Variants in CXXC4 observed in about 807,000 individuals in gnomAD.
CXXC4 encodes the protein CXXC-type zinc finger protein 4.
In CXXC4, 5 loss-of-function variants were observed where a neutral mutation model predicts 20.5. The observed-to-expected ratio is 0.24, with a 90% CI of 0.13 to 0.51. CXXC4 has a LOEUF of 0.51. Among genes scored for constraint, CXXC4 ranks in the 20% least tolerant of loss-of-function variants. CXXC4 has a pLI of 0.97. For missense variants in CXXC4, 419 were observed against 496.4 expected, an observed-to-expected ratio of 0.84 and a Z score of 1.48; for synonymous variants, 250 against 216.4, an observed-to-expected ratio of 1.16 and a Z score of -1.36.
At chr4:104,487,601 A>G (rs1471921348) in intron 2 of CXXC4, among the ~76,000 whole-genome samples, 1 of 152,222 alleles carries the variant, frequency 6.6e-6, no homozygotes, top group Non-Finnish European at 1.5e-5. Flanking sequence ...CAAGGAACTT[A>G]ATATTTTTCA....
At chr4:104,472,628 C>T (rs1403467109) in intron 2 of CXXC4, among the ~76,000 whole-genome samples, 9 of 151,796 alleles carry the variant, frequency 5.9e-5, no homozygotes, top group Admixed American at 1.3e-4. Context: ...GCCTGAAACA[C>T]GTATAGGAAG....
intron 2 of CXXC4, among the ~76,000 whole-genome samples, chr4:104,487,517 T>A (rs1736729645): frequency 6.6e-6 from 1 of 152,204 alleles, no homozygotes; most frequent in South Asian, 2.1e-4. Flanking sequence ...TGAAGGATTA[T>A]CTTTGCAAGA....
At chr4:104,485,438 A>G (rs1736661786) in intron 2 of CXXC4, among the ~76,000 whole-genome samples, 1 of 152,100 alleles carries the variant, frequency 6.6e-6, no homozygotes, top group Admixed American at 6.5e-5. Flanking sequence ...ATTAAAGCAT[A>G]TCCACTCATA....
At position 104,470,077 on chromosome 4, in the gene CXXC4, T is replaced by C. The variant is rs1027781883; in HGVS notation, c.*2245A>G. On this transcript the variant is annotated 3_prime_UTR_variant, in exon 3 of 3. Transcript: ENST00000394767. ...CATTTTCCAAAGAGCAAGGCAAGCT[T>C]ATCATTCAAGTGTGAAAGTAAGTTT... The C allele has an allele frequency of 1.3e-5, 2 of 151,624 alleles. No individual in the cohort carries two copies. Among genetic ancestry groups the C allele is most frequent in the South Asian group, 4.2e-4 (2 of 4,814 alleles). 9.4% of individuals were successfully genotyped at this position (151,624 alleles called of 1,614,324 possible).
chr4:104,483,302 T>A (rs1029082389), intron 2 of CXXC4, among the ~76,000 whole-genome samples: 1 of 151,978 alleles, frequency 6.6e-6, no homozygotes, highest in Non-Finnish European at 1.5e-5. Context: ...AAAGCATACA[T>A]CCATAATTCC....
In CXXC4 at chr4:104,490,952, T is replaced by C; in HGVS notation, c.851A>G (p.His284Arg). Residue 284 changes from histidine to arginine, a missense_variant, in exon 2 of 3, where the codon CAT becomes CGT. Physicochemically the swap from His to Arg is conservative, Grantham distance 29. This residue lies in a region of CXXC4 where 388 missense variants were observed against 416.0 expected (regional missense o/e 0.93). Transcript: ENST00000394767. ...TGAGGAGGACGAGGAGGAGGAGGAATGATTCTGCGGGCAGTCTGCCAGATT... is the reference window on the plus strand; with the variant it reads ...TGAGGAGGACGAGGAGGAGGAGGAACGATTCTGCGGGCAGTCTGCCAGATT... ...IANLADCPQNHSSSSSSSSGG... is the reference protein window; with the variant it reads ...IANLADCPQNRSSSSSSSSGG... 6.2e-7 allele frequency: 1 copy of C among 1,613,562 alleles called. No homozygotes were observed. The highest frequency in any genetic ancestry group is 1.1e-5 in the South Asian group (1 of 91,050).
intron 2 of CXXC4, among the ~76,000 whole-genome samples, chr4:104,490,126 G>A (rs1020551040): frequency 2.0e-5 from 3 of 152,124 alleles, no homozygotes; most frequent in Non-Finnish European, 4.4e-5. Flanking sequence ...TTCCTACACA[G>A]TTTCAGCTTT....
At chr4:104,472,754 T>C (rs1395167361) in intron 2 of CXXC4, among the ~76,000 whole-genome samples, 1 of 152,000 alleles carries the variant, frequency 6.6e-6, no homozygotes, top group Non-Finnish European at 1.5e-5. Flanking sequence ...TGGATCATCT[T>C]ACCGTCAGGA....
chr4:104,473,346 T>TA (rs1468383415), intron 2 of CXXC4, among the ~76,000 whole-genome samples: 2 of 151,846 alleles, frequency 1.3e-5, no homozygotes, highest in African/African-American at 2.4e-5. Context: ...GTAAACATAC[T>TA]ATAAATGGTT....
rs569672930 is a variant in CXXC4 at position 104,489,651 on chromosome 4, T to C, written c.1059+1093A>G. Among the ~76,000 whole-genome samples the C allele has an allele frequency of 3.9e-5, 6 of 152,328 alleles. No individual in the cohort carries two copies. The South Asian group carries it at 1.0e-3, about 26-fold the overall frequency. On this transcript the variant is annotated intron_variant, in intron 2 of 2. Coordinates refer to ENST00000394767, the MANE Select transcript of CXXC4 (RefSeq NM_025212.4). ...TTTATCGAGACTAACTATAAGTACT[T>C]GTCCAGATTTCTTTGTTTAATATAC...
At chr4:104,474,198 T>C (rs1218213674) in intron 2 of CXXC4, among the ~76,000 whole-genome samples, 1 of 151,936 alleles carries the variant, frequency 6.6e-6, no homozygotes, top group Non-Finnish European at 1.5e-5. Context: ...AGTTCACTAT[T>C]CTCATGGAAA....
In CXXC4 at chr4:104,470,827, A is replaced by G. The variant is rs1736253135; in HGVS notation, c.*1495T>C. 1 of 152,080 alleles carries G rather than the reference A, an allele frequency of 6.6e-6. No individual in the cohort carries two copies. Among genetic ancestry groups the G allele is most frequent in the Non-Finnish European group, 1.5e-5 (1 of 68,000 alleles). 9.4% of individuals were successfully genotyped at this position (152,080 alleles called of 1,614,324 possible). On this transcript the variant is annotated 3_prime_UTR_variant, in exon 3 of 3. Transcript: ENST00000394767. ...AATAGTCTTTATAATTGGGACAAAC[A>G]GAAATAAAATGGAAGGTAAATATTT...
At chr4:104,493,692 T>C (rs1736966439) in intron 1 of CXXC4, among the ~76,000 whole-genome samples, 1 of 152,224 alleles carries the variant, frequency 6.6e-6, no homozygotes, top group South Asian at 2.1e-4. Context: ...GGAAAACTGC[T>C]GCCTTCTCAG....
chr4:104,469,619 A>G lies in CXXC4; in HGVS notation c.*2703T>C, dbSNP rs1236119891. 2.0e-5 allele frequency: 3 copies of G among 152,066 alleles called. No homozygotes were observed. The highest frequency in any genetic ancestry group is 7.2e-5 in the African/African-American group (3 of 41,440). 9.4% of individuals were successfully genotyped at this position (152,066 alleles called of 1,614,324 possible). A position where few individuals can be genotyped will look rare whatever the true frequency, so the allele number is the denominator to read the frequency against. ...GATAAGCTTTAGAAGTTCTCAGTACAGGGACATATGAGGAAGAAAACTAGA... is the reference window on the plus strand; with the variant it reads ...GATAAGCTTTAGAAGTTCTCAGTACGGGGACATATGAGGAAGAAAACTAGA... On this transcript the variant is annotated 3_prime_UTR_variant, in exon 3 of 3. Transcript: ENST00000394767.
intron 2 of CXXC4, among the ~76,000 whole-genome samples, chr4:104,472,684 CA>C (rs1429880160): frequency 6.6e-6 from 1 of 151,886 alleles, no homozygotes; most frequent in African/African-American, 2.4e-5. Context: ...TGAGGAAGAC[CA>C]GTCAGCACAG....
intron 1 of CXXC4, chr4:104,494,359 G>A (rs1219707668): frequency 6.6e-6 from 1 of 152,130 alleles, no homozygotes; most frequent in Non-Finnish European, 1.5e-5. Flanking sequence ...TCAGGAGGAG[G>A]GGCGGGTGCA....
rs70961978 is a variant in CXXC4 at position 104,481,544 on chromosome 4, GA to G, written c.1060-9179del. Among the ~76,000 whole-genome samples, 1,365 of 137,910 alleles carry G rather than the reference GA, an allele frequency of 9.9e-3. 13 individuals carry two copies. Among genetic ancestry groups the G allele is most frequent in the African/African-American group, 0.025 (933 of 38,034 alleles). 90.5% of individuals were successfully genotyped at this position (137,910 alleles called of 152,430 possible). On this transcript the variant is annotated intron_variant, in intron 2 of 2. Coordinates refer to ENST00000394767, the MANE Select transcript of CXXC4 (RefSeq NM_025212.4). ...CAAGACCCTGTCTCAAGGGAAAAAAGAAAAAAAAAAATATGGAACTAAGTAC... is the reference window on the plus strand; with the variant it reads ...CAAGACCCTGTCTCAAGGGAAAAAAGAAAAAAAAAATATGGAACTAAGTAC...
chr4:104,483,353 G>T (rs1736603138), intron 2 of CXXC4, among the ~76,000 whole-genome samples: 2 of 151,922 alleles, frequency 1.3e-5, no homozygotes, highest in Middle Eastern at 3.4e-3. Flanking sequence ...TTGGATTCTG[G>T]CTTAAATATT....
At position 104,491,173 on chromosome 4, in the gene CXXC4, C is replaced by A. The variant is rs758633689; in HGVS notation, c.630G>T (p.Ala210=). The stretch of plus-strand genomic sequence containing the variant: ...ATTTGAGCTTGTTCATGCATTCCCC[C>A]GCCAAAGGTCTGCAGTGTTCAGGGG... ...TLSPEHCRPL[A]GECMNKLKCG... is the part of the protein sequence containing the mutation. Residue 210 remains alanine, a synonymous_variant, in exon 2 of 3, where the codon GCG becomes GCT. Transcript: ENST00000394767. 6.8e-6 allele frequency: 11 copies of A among 1,613,880 alleles called. No individual in the cohort carries two copies. In the African/African-American group the frequency reaches 1.1e-4, roughly 16 times the overall value.
Sources: allele counts gnomAD v4.1 joint callset (sites outside exome capture counted in the v4.1 genomes callset), GRCh38; gene constraint gnomAD v4.1.1; regional missense constraint gnomAD v4.1.1; transcripts MANE v1.5; gene names NCBI Gene and HGNC (gene_info 2026-07-23, HGNC 2026-07-21).